CDH12: variants seen among roughly 807,000 people sequenced by gnomAD.
CDH12 encodes cadherin 12.
Under a neutral mutation model 74.1 loss-of-function variants are expected in CDH12, and 41 were observed. The observed-to-expected ratio is 0.55, with a 90% CI of 0.43 to 0.72. The LOEUF (loss-of-function observed/expected upper bound fraction) is 0.72, where lower values mean the gene tolerates loss of function less well. CDH12 is among the 30% of genes least tolerant of loss of function. The pLI, the probability that CDH12 is intolerant of heterozygous loss-of-function variation, is 0.00. For missense variants in CDH12, 945 were observed against 977.2 expected (o/e 0.97, Z 0.44); for synonymous variants, 399 against 355.0 (o/e 1.12, Z -1.39).
chr5:21,854,298 T>C (rs1251082777), intron 7 of CDH12, among the ~76,000 whole-genome samples: 1 of 151,672 alleles, frequency 6.6e-6, no homozygotes, highest in African/African-American at 2.4e-5. Context: ...TCCAGGATGT[T>C]ACCATGTATT....
chr5:22,282,623 A>G (rs1054548725), intron 3 of CDH12, among the ~76,000 whole-genome samples: 2 of 152,254 alleles, frequency 1.3e-5, no homozygotes, highest in African/African-American at 4.8e-5. Flanking sequence ...TTATGAGGCC[A>G]ACAAACATAT....
At chr5:22,834,130 C>A (rs1008207473) in intron 1 of CDH12, among the ~76,000 whole-genome samples, 1 of 152,120 alleles carries the variant, frequency 6.6e-6, no homozygotes, top group Non-Finnish European at 1.5e-5. Flanking sequence ...ATTCTTCATT[C>A]ATTAGCTAAA....
At chr5:22,583,511 A>G (rs1023400423) in intron 1 of CDH12, among the ~76,000 whole-genome samples, 1 of 152,222 alleles carries the variant, frequency 6.6e-6, no homozygotes, top group Non-Finnish European at 1.5e-5. Context: ...AAATAAGATA[A>G]TGAAATAACA....
chr5:22,663,582 C>T (rs907954697), intron 1 of CDH12, among the ~76,000 whole-genome samples: 1 of 152,086 alleles, frequency 6.6e-6, no homozygotes, highest in Non-Finnish European at 1.5e-5. Flanking sequence ...AACAAAAGTA[C>T]TTATCTTGAA....
chr5:22,302,530 T>G (rs1279826915), intron 3 of CDH12, among the ~76,000 whole-genome samples: 1 of 152,132 alleles, frequency 6.6e-6, no homozygotes, highest in African/African-American at 2.4e-5. Context: ...CAGATGAAGA[T>G]GTCAATAAAG....
intron 6 of CDH12, among the ~76,000 whole-genome samples, chr5:21,945,421 T>C (rs939410903): frequency 2.6e-5 from 2 of 76,082 alleles, no homozygotes; most frequent in Non-Finnish European, 4.6e-5. Context: ...GTGAGACTGT[T>C]TCAGACAAAA....
chr5:21,927,897 G>A (rs1230127293), intron 6 of CDH12, among the ~76,000 whole-genome samples: 5 of 151,684 alleles, frequency 3.3e-5, no homozygotes, highest in East Asian at 3.9e-4. Flanking sequence ...GTGAAACCCC[G>A]TCTCTACTAA....
chr5:22,701,145 C>A (rs958634422), intron 1 of CDH12, among the ~76,000 whole-genome samples: 3 of 152,130 alleles, frequency 2.0e-5, no homozygotes, highest in Non-Finnish European at 2.9e-5. Context: ...AACAAGGCCA[C>A]CTTAGAGGCT....
At chr5:22,441,244 C>T (rs1190008542) in intron 2 of CDH12, among the ~76,000 whole-genome samples, 1 of 152,144 alleles carries the variant, frequency 6.6e-6, no homozygotes, top group African/African-American at 2.4e-5. Flanking sequence ...CATTATTCCA[C>T]TTTTGCTTTT....
At chr5:22,175,416 T>C (rs1749274637) in intron 4 of CDH12, among the ~76,000 whole-genome samples, 1 of 151,892 alleles carries the variant, frequency 6.6e-6, no homozygotes, top group African/African-American at 2.4e-5. Context: ...GACTCAGAAG[T>C]TCAGGATCAA....
rs775647552 is a variant in CDH12, at chr5:22,078,540, C to T, written c.137G>A (p.Arg46Gln). 2.0e-5 allele frequency: 33 copies of T among 1,613,768 alleles called. No individual in the cohort carries two copies. The highest frequency in any genetic ancestry group is 5.0e-5 in the Admixed American group (3 of 59,968). Residue 46 changes from arginine to glutamine, a missense_variant, in exon 5 of 15, where the codon CGG becomes CAG. Physicochemically the swap from Arg to Gln is conservative, Grantham distance 43. Around this residue, in one of 3 missense-constraint regions of CDH12, gnomAD observed 148 missense variants for 162.8 expected, o/e 0.91. Transcript: ENST00000382254. ...RENVIHLPGQ[R>Q]SHFQRVKRGW... ...ACGTTTAACACGTTGGAAATGTGAC[C>T]GTTGTCCTGGCAGATGGATAACATT...
At chr5:22,792,720 G>T (rs1200808477) in intron 1 of CDH12, among the ~76,000 whole-genome samples, 1 of 152,154 alleles carries the variant, frequency 6.6e-6, no homozygotes, top group East Asian at 1.9e-4. Context: ...TTTCTGTTGG[G>T]TTGATCAAAT....
intron 1 of CDH12, among the ~76,000 whole-genome samples, chr5:22,795,185 C>A (rs1403795685): frequency 6.6e-6 from 1 of 151,940 alleles, no homozygotes; most frequent in African/African-American, 2.4e-5. Flanking sequence ...GCTAAACAAA[C>A]AAAAAGACAA....
chr5:22,068,506 G>T lies in CDH12; in HGVS notation c.231+9940C>A, dbSNP rs116392674. Among the ~76,000 whole-genome samples, 461 of 152,212 alleles carry T rather than the reference G, an allele frequency of 3.0e-3. 3 individuals carry two copies. The highest frequency in any genetic ancestry group is 0.011 in the African/African-American group (447 of 41,534). ...TGCACCTGGTTTTTCATTTTGCATA[G>T]AATTAGAAATGGGCAGACATGACAT... On this transcript the variant is annotated intron_variant, in intron 5 of 14. Coordinates refer to ENST00000382254, the MANE Select transcript of CDH12 (RefSeq NM_004061.5).
intron 10 of CDH12, among the ~76,000 whole-genome samples, chr5:21,786,310 C>T (rs763310086): frequency 1.3e-5 from 2 of 152,096 alleles, no homozygotes; most frequent in Non-Finnish European, 2.9e-5. Flanking sequence ...CATGCCACTA[C>T]GCCTGGCTAA....
rs970394694 is a variant in CDH12, at chr5:22,687,467, G to A, written c.-523+165591C>T. 1.4e-4 allele frequency among the ~76,000 whole-genome samples: 21 copies of A among 152,068 alleles called. 1 individual carries two copies. Among genetic ancestry groups the A allele is most frequent in the African/African-American group, 5.1e-4 (21 of 41,414 alleles). On this transcript the variant is annotated intron_variant, in intron 1 of 14. Transcript: ENST00000382254. ...CTGTTGCCCAGACTGCAATGCAGTG[G>A]CATGATCTCGTTTCACAGCAACCTT...
At chr5:22,736,538 T>G (rs1253518623) in intron 1 of CDH12, among the ~76,000 whole-genome samples, 1 of 151,860 alleles carries the variant, frequency 6.6e-6, no homozygotes, top group Non-Finnish European at 1.5e-5. Flanking sequence ...AAGTAAAGTA[T>G]GTTGTCTGTT....
chr5:22,283,589 G>A (rs4513656), intron 3 of CDH12, among the ~76,000 whole-genome samples: 63,797 of 151,554 alleles, frequency 0.42, 14,458 homozygotes, highest in Admixed American at 0.53. Flanking sequence ...GGGTAGAATT[G>A]TGGTTGCTGG....
intron 1 of CDH12, among the ~76,000 whole-genome samples, chr5:22,603,415 C>T (rs1008767297): frequency 6.6e-6 from 1 of 152,096 alleles, no homozygotes; most frequent in Non-Finnish European, 1.5e-5. Flanking sequence ...AAAGAATCTG[C>T]TATTTAGTAT....
Sources: allele counts gnomAD v4.1 joint callset (sites outside exome capture counted in the v4.1 genomes callset), GRCh38; gene constraint gnomAD v4.1.1; regional missense constraint gnomAD v4.1.1; transcripts MANE v1.5; gene names NCBI Gene and HGNC (gene_info 2026-07-23, HGNC 2026-07-21).